NCAM2: variants seen among roughly 807,000 people sequenced by gnomAD.
NCAM2 encodes the protein neural cell adhesion molecule 2.
Under a neutral mutation model 98.1 loss-of-function variants are expected in NCAM2, and 30 were observed. That is an observed-to-expected ratio of 0.31 (90% CI 0.23 to 0.41). The LOEUF (loss-of-function observed/expected upper bound fraction) is 0.41, where lower values mean the gene tolerates loss of function less well. Ranked by LOEUF, NCAM2 falls within the 10% of genes least tolerant of loss-of-function variation. The probability of loss-of-function intolerance (pLI) is 1.00; values close to 1 mark genes in which losing one functional copy is unlikely to be tolerated. For missense variants in NCAM2, 867 were observed against 1,005.8 expected, an observed-to-expected ratio of 0.86 and a Z score of 1.87; for synonymous variants, 368 against 342.4, an observed-to-expected ratio of 1.07 and a Z score of -0.83.
At chr21:21,216,954 T>G (rs2069928696) in intron 1 of NCAM2, among the ~76,000 whole-genome samples, 1 of 150,252 alleles carries the variant, frequency 6.7e-6, no homozygotes, top group South Asian at 2.1e-4. Context: ...AAGTTTTGTC[T>G]GTTAACTCAG....
intron 1 of NCAM2, among the ~76,000 whole-genome samples, chr21:21,016,202 C>A (rs1374690109): frequency 6.6e-6 from 1 of 152,130 alleles, no homozygotes; most frequent in Non-Finnish European, 1.5e-5. Context: ...GAAGATCTGC[C>A]TCCCTCGAAG....
chr21:21,016,972 C>A (rs9984375), intron 1 of NCAM2, among the ~76,000 whole-genome samples: 70,573 of 151,432 alleles, frequency 0.47, 16,975 homozygotes, highest in East Asian at 0.75. Flanking sequence ...GTCTAGTCCT[C>A]CAAAAGCTTA....
chr21:21,119,806 A>C (rs917463564), intron 1 of NCAM2, among the ~76,000 whole-genome samples: 3 of 152,238 alleles, frequency 2.0e-5, no homozygotes, highest in Non-Finnish European at 4.4e-5. Context: ...GAAGCTTATG[A>C]AAACAGAAAT....
intron 1 of NCAM2, among the ~76,000 whole-genome samples, chr21:21,151,611 A>C (rs920595964): frequency 6.6e-6 from 1 of 152,016 alleles, no homozygotes; most frequent in African/African-American, 2.4e-5. Flanking sequence ...GTAGTGGCAT[A>C]CACGTACAGG....
At chr21:21,485,412 G>A (rs1370734536) in intron 15 of NCAM2, among the ~76,000 whole-genome samples, 2 of 152,184 alleles carry the variant, frequency 1.3e-5, no homozygotes, top group Non-Finnish European at 2.9e-5. Context: ...ATTCTTGCAA[G>A]CATTAGAGAG....
At chr21:21,054,918 T>C (rs1432791371) in intron 1 of NCAM2, among the ~76,000 whole-genome samples, 2 of 152,038 alleles carry the variant, frequency 1.3e-5, no homozygotes, top group African/African-American at 4.8e-5. Context: ...AATGAAGTTT[T>C]CTTATATGTA....
chr21:21,391,045 TTTAG>T (rs1271325296), intron 9 of NCAM2, among the ~76,000 whole-genome samples: 1 of 152,184 alleles, frequency 6.6e-6, no homozygotes, highest in Non-Finnish European at 1.5e-5. Flanking sequence ...AACCTTTGAT[TTTAG>T]TTATTCAATT....
At chr21:21,377,333 C>G (rs773559015) in intron 9 of NCAM2, among the ~76,000 whole-genome samples, 1 of 151,740 alleles carries the variant, frequency 6.6e-6, no homozygotes, top group Non-Finnish European at 1.5e-5. Flanking sequence ...TCTATCCCTC[C>G]TTTTTACAAC....
chr21:21,043,695 A>C (rs1033347552), intron 1 of NCAM2, among the ~76,000 whole-genome samples: 1 of 151,660 alleles, frequency 6.6e-6, no homozygotes, highest in African/African-American at 2.4e-5. Context: ...TACTAAAAAT[A>C]CAAAAAAAAA....
At chr21:21,468,543 T>G (rs1421482670) in intron 13 of NCAM2, 119 bp from the exon 14 acceptor site, 1 of 926,310 alleles carries the variant, frequency 1.1e-6, no homozygotes, top group East Asian at 3.0e-5. Context: ...CAATGTCAAA[T>G]GGTAAATCCA....
intron 1 of NCAM2, among the ~76,000 whole-genome samples, chr21:21,117,395 T>C (rs1457843607): frequency 1.3e-5 from 2 of 152,176 alleles, no homozygotes; most frequent in African/African-American, 2.4e-5. Flanking sequence ...TTCCATCTCT[T>C]GGTGAAATAA....
chr21:21,452,551 A>G (rs1428760049), intron 12 of NCAM2, among the ~76,000 whole-genome samples: 2 of 114,728 alleles, frequency 1.7e-5, no homozygotes, highest in African/African-American at 3.2e-5. Flanking sequence ...AATATATAAT[A>G]TATACTATAT....
At chr21:21,096,033 C>T (rs905654020) in intron 1 of NCAM2, among the ~76,000 whole-genome samples, 3 of 151,508 alleles carry the variant, frequency 2.0e-5, no homozygotes, top group African/African-American at 7.3e-5. Context: ...CAGGAAAGAC[C>T]TCAATTACCC....
chr21:21,372,615 C>T (rs1446998357), intron 8 of NCAM2, among the ~76,000 whole-genome samples: 3 of 151,686 alleles, frequency 2.0e-5, no homozygotes, highest in African/African-American at 4.8e-5. Flanking sequence ...ATGTCAGAAA[C>T]GAAAATAGAA....
intron 1 of NCAM2, among the ~76,000 whole-genome samples, chr21:21,185,843 T>C (rs1264971866): frequency 6.6e-6 from 1 of 152,136 alleles, no homozygotes; most frequent in Admixed American, 6.5e-5. Flanking sequence ...TTTCAATATA[T>C]CATATTGAAG....
At chr21:21,501,498 A>G (rs894334996) in intron 15 of NCAM2, among the ~76,000 whole-genome samples, 1 of 152,042 alleles carries the variant, frequency 6.6e-6, no homozygotes. Context: ...TAATATTTCT[A>G]AAGAGTTATG....
At chr21:21,469,489 G>C (rs1984149827) in intron 14 of NCAM2, among the ~76,000 whole-genome samples, 1 of 151,930 alleles carries the variant, frequency 6.6e-6, no homozygotes, top group Admixed American at 6.6e-5. Context: ...TGTAAAATAA[G>C]TTAAAAATGA....
chr21:21,009,362 C>T (rs1486173637), intron 1 of NCAM2, among the ~76,000 whole-genome samples: 1 of 151,902 alleles, frequency 6.6e-6, no homozygotes, highest in Admixed American at 6.6e-5. Context: ...ATAATAAAGT[C>T]ATAGTTATTA....
At chr21:21,369,161 CT>C (rs35098423) in intron 8 of NCAM2, among the ~76,000 whole-genome samples, 151,640 of 151,642 alleles carry the variant, frequency 1, 75,819 homozygotes, top group Middle Eastern at 1. Context: ...CATTATTCTA[CT>C]TTTTTGTATC....
Sources: allele counts gnomAD v4.1 joint callset (sites outside exome capture counted in the v4.1 genomes callset), GRCh38; gene constraint gnomAD v4.1.1; transcripts MANE v1.5; gene names NCBI Gene and HGNC (gene_info 2026-07-23, HGNC 2026-07-21).